FBXL20: variants seen among roughly 807,000 people sequenced by gnomAD.
FBXL20 encodes F-box/LRR-repeat protein 20.
Under a neutral mutation model 64.0 loss-of-function variants are expected in FBXL20, and 11 were observed. The ratio of observed to expected loss-of-function variants is 0.17; its 90% CI spans 0.11 to 0.28. The LOEUF (loss-of-function observed/expected upper bound fraction) is 0.28, where lower values mean the gene tolerates loss of function less well. Among genes scored for constraint, FBXL20 ranks in the 10% least tolerant of loss-of-function variants. The pLI is 1.00. For synonymous variants in FBXL20, 184 were observed against 189.0 expected (o/e 0.97, Z 0.22); for missense variants, 303 against 526.2 (o/e 0.58, Z 4.15).
Position 39,254,212 on chromosome 17 carries a change from G to C in FBXL20, c.*7248C>G, listed in dbSNP as rs960314993. ...CTTGCCTCAGCCTCCCAAGTAGCTG[G>C]GATTTTGTATTTTCAGTAGAGATGG... is the stretch of plus-strand genomic sequence containing the variant. On this transcript the variant is annotated 3_prime_UTR_variant, in exon 15 of 15. Transcript: ENST00000264658. 2.0e-5 allele frequency: 3 copies of C among 152,142 alleles called. No homozygotes were observed. Among genetic ancestry groups the C allele is most frequent in the African/African-American group, 7.2e-5 (3 of 41,410 alleles). 9.4% of individuals were successfully genotyped at this position (152,142 alleles called of 1,614,324 possible).
At chr17:39,268,934 T>C (rs1567856947) in intron 11 of FBXL20, 63 bp from the exon 12 acceptor site, 4 of 1,445,946 alleles carry the variant, frequency 2.8e-6, no homozygotes, top group South Asian at 1.2e-5. Context: ...GAGAAACTTT[T>C]AAGGACAGAA....
At chr17:39,367,105 G>C (rs777873568) in intron 1 of FBXL20, among the ~76,000 whole-genome samples, 27 of 151,578 alleles carry the variant, frequency 1.8e-4, no homozygotes, top group Non-Finnish European at 8.8e-5. Flanking sequence ...GGATGGTCTC[G>C]ATCTCCTGAC....
chr17:39,354,784 A>G (rs946244938), intron 1 of FBXL20, among the ~76,000 whole-genome samples: 5 of 152,242 alleles, frequency 3.3e-5, no homozygotes, highest in Non-Finnish European at 7.3e-5. Context: ...GATATGAATG[A>G]TATCAGCACA....
At chr17:39,319,510 C>A (rs1288603152) in intron 2 of FBXL20, among the ~76,000 whole-genome samples, 1 of 151,818 alleles carries the variant, frequency 6.6e-6, no homozygotes, top group Non-Finnish European at 1.5e-5. Context: ...CTTGGTGAAA[C>A]CCCATCTCTA....
At chr17:39,267,771 AG>A (rs561200722) in intron 12 of FBXL20, among the ~76,000 whole-genome samples, 137 of 152,278 alleles carry the variant, frequency 9.0e-4, no homozygotes, top group African/African-American at 3.1e-3. Flanking sequence ...TGGTAGAGAA[AG>A]GGGGTGGGCG....
intron 2 of FBXL20, among the ~76,000 whole-genome samples, chr17:39,304,895 T>C (rs1208778570): frequency 3.9e-5 from 6 of 152,144 alleles, no homozygotes; most frequent in African/African-American, 7.2e-5. Flanking sequence ...TAGCTGGGAT[T>C]ACAGGCATCC....
chr17:39,324,008 A>ACCCCC (rs138382317), intron 2 of FBXL20, among the ~76,000 whole-genome samples: 2 of 129,046 alleles, frequency 1.5e-5, no homozygotes, highest in African/African-American at 6.9e-5. Flanking sequence ...TCGTGATCCA[A>ACCCCC]CCCCCTCCCC....
intron 10 of FBXL20, among the ~76,000 whole-genome samples, chr17:39,271,490 C>G (rs1308926671): frequency 6.7e-6 from 1 of 148,290 alleles, no homozygotes; most frequent in African/African-American, 2.5e-5. Context: ...CCCGGCTACT[C>G]GGGAGGCTGA....
intron 1 of FBXL20, among the ~76,000 whole-genome samples, chr17:39,357,673 G>A (rs994000913): frequency 6.6e-6 from 1 of 152,146 alleles, no homozygotes; most frequent in Non-Finnish European, 1.5e-5. Context: ...GCCTCCCAAC[G>A]TGTTGCGACT....
intron 2 of FBXL20, among the ~76,000 whole-genome samples, chr17:39,328,178 G>A (rs986135877): frequency 6.7e-6 from 1 of 148,904 alleles, no homozygotes; most frequent in Non-Finnish European, 1.5e-5. Context: ...AACATGGGAG[G>A]TGGAGGTTAC....
In FBXL20 at chr17:39,314,820, G is replaced by A. The variant is rs865974945; in HGVS notation, c.105-11181C>T. Among the ~76,000 whole-genome samples, 13 of 130,930 alleles carry A rather than the reference G, an allele frequency of 9.9e-5. No homozygotes were observed. The Middle Eastern group carries it at 0.014, about 141-fold the overall frequency. 85.9% of individuals were successfully genotyped at this position (130,930 alleles called of 152,430 possible). A position where few individuals can be genotyped will look rare whatever the true frequency, so the allele number is the denominator to read the frequency against. On this transcript the variant is annotated intron_variant, in intron 2 of 14. Coordinates refer to ENST00000264658, the MANE Select transcript of FBXL20 (RefSeq NM_032875.3). ...CTTTTTTTTTTTTTTTTTTGAAATG[G>A]AGTCTCACTCTGTGTTGCCCAGGCT...
In FBXL20 at chr17:39,282,872, AT is replaced by A; in HGVS notation, c.495-18del. The A allele has an allele frequency of 6.2e-7, 1 of 1,613,918 alleles. No individual in the cohort carries two copies. The highest frequency in any genetic ancestry group is 1.1e-5 in the South Asian group (1 of 91,056). On this transcript the variant is annotated intron_variant, in intron 7 of 14. Transcript: ENST00000264658. ...CATCCCTCACTTAGGATAAAACAAA[AT>A]AAGAGAAACATATCACTAAATCCAA...
intron 2 of FBXL20, among the ~76,000 whole-genome samples, chr17:39,322,098 G>A (rs868304834): frequency 2.0e-5 from 3 of 148,216 alleles, no homozygotes; most frequent in South Asian, 2.1e-4. Context: ...GGCCAAGGCA[G>A]GAGGATCACT....
intron 1 of FBXL20, among the ~76,000 whole-genome samples, chr17:39,382,821 A>C (rs116114390): frequency 0.015 from 2,243 of 152,076 alleles, 57 homozygotes; most frequent in African/African-American, 0.051. Context: ...CCTGGGTGAG[A>C]GAGTGAGACG....
chr17:39,306,850 T>A (rs2047187955), intron 2 of FBXL20, among the ~76,000 whole-genome samples: 1 of 152,144 alleles, frequency 6.6e-6, no homozygotes, highest in Admixed American at 6.6e-5. Flanking sequence ...AAACTGATAA[T>A]AAATTAAATA....
intron 6 of FBXL20, among the ~76,000 whole-genome samples, chr17:39,291,207 G>A (rs972710934): frequency 4.6e-5 from 7 of 151,850 alleles, no homozygotes; most frequent in South Asian, 2.1e-4. Context: ...GTGATCACCC[G>A]CCTCAGCCTC....
intron 5 of FBXL20, among the ~76,000 whole-genome samples, chr17:39,298,343 T>C (rs1461693704): frequency 6.6e-6 from 1 of 152,124 alleles, no homozygotes; most frequent in Non-Finnish European, 1.5e-5. Flanking sequence ...ATTGGTCTTG[T>C]ACTCCTGGCC....
chr17:39,277,048 G>A (rs2046903731), intron 9 of FBXL20, among the ~76,000 whole-genome samples: 5 of 152,180 alleles, frequency 3.3e-5, no homozygotes, highest in Admixed American at 3.3e-4. Flanking sequence ...CTCTCTTCTT[G>A]TCTCTGTTTA....
chr17:39,342,372 T>C (rs1371967611), intron 2 of FBXL20, among the ~76,000 whole-genome samples: 1 of 148,422 alleles, frequency 6.7e-6, no homozygotes, highest in Non-Finnish European at 1.5e-5. Flanking sequence ...TCAAGACTAT[T>C]CTGGGCAACA....
Sources: gnomAD v4.1 joint callset for allele counts (sites outside exome capture counted in the v4.1 genomes callset) on GRCh38, gnomAD v4.1.1 for gene constraint, MANE v1.5 for transcripts, NCBI Gene and HGNC (gene_info 2026-07-23, HGNC 2026-07-21) for gene names.